TAFA2: variants seen among roughly 807,000 people sequenced by gnomAD.
The protein encoded by TAFA2 is chemokine-like protein TAFA-2.
In TAFA2, 7 loss-of-function variants were observed where a neutral mutation model predicts 18.8. That is an observed-to-expected ratio of 0.37 (90% CI 0.21 to 0.70). TAFA2 has a LOEUF of 0.70. Among genes scored for constraint, TAFA2 ranks in the 30% least tolerant of loss-of-function variants. TAFA2 has a pLI of 0.53. For missense variants in TAFA2, 122 were observed against 158.1 expected (o/e 0.77, Z 1.23); for synonymous variants, 60 against 54.2 (o/e 1.11, Z -0.47).
chr12:61,833,707 C>A (rs1394856530), intron 2 of TAFA2, among the ~76,000 whole-genome samples: 3 of 151,722 alleles, frequency 2.0e-5, no homozygotes, highest in African/African-American at 7.3e-5. Context: ...TGACTATAAT[C>A]CTCAGTAATT....
chr12:61,777,328 G>A (rs564853281), intron 2 of TAFA2, among the ~76,000 whole-genome samples: 11 of 151,910 alleles, frequency 7.2e-5, no homozygotes, highest in Admixed American at 2.0e-4. Flanking sequence ...CAGTATTATC[G>A]GGAGGATTAA....
intron 4 of TAFA2, among the ~76,000 whole-genome samples, chr12:61,744,847 A>G (rs1868626544): frequency 6.6e-6 from 1 of 152,034 alleles, no homozygotes; most frequent in African/African-American, 2.4e-5. Flanking sequence ...CACCTAGTCT[A>G]AAAATGTTAC....
At chr12:61,930,171 TAAA>T (rs1306640467) in intron 1 of TAFA2, among the ~76,000 whole-genome samples, 2 of 151,668 alleles carry the variant, frequency 1.3e-5, no homozygotes, top group Non-Finnish European at 2.9e-5. Flanking sequence ...AATAAATAAA[TAAA>T]AAGAAAACGG....
intron 1 of TAFA2, among the ~76,000 whole-genome samples, chr12:62,065,701 C>CTGTGTGTG (rs140275505): frequency 6.7e-6 from 1 of 150,266 alleles, no homozygotes; most frequent in African/African-American, 2.4e-5. Context: ...GATAAAAATT[C>CTGTGTGTG]TGTGTGTGTG....
At position 61,916,379 on chromosome 12, in the gene TAFA2, C is replaced by T. The variant is rs142196522; in HGVS notation, c.-1-48953G>A. 3.5e-3 allele frequency among the ~76,000 whole-genome samples: 537 copies of T among 152,224 alleles called. 4 individuals carry two copies. The highest frequency in any genetic ancestry group is 9.7e-3 in the African/African-American group (401 of 41,542). ...CAGAATGTTTCATTACACTCCTCGA[C>T]GGTTGATTGTGAGGATCAAATGTGA... On this transcript the variant is annotated intron_variant, in intron 1 of 4. Coordinates refer to ENST00000416284, the MANE Select transcript of TAFA2 (RefSeq NM_178539.5).
intron 1 of TAFA2, among the ~76,000 whole-genome samples, chr12:62,250,432 A>G (rs1279384680): frequency 6.6e-6 from 1 of 152,234 alleles, no homozygotes; most frequent in East Asian, 1.9e-4. Flanking sequence ...TTATGCATGT[A>G]TATGTATGAC....
intron 1 of TAFA2, among the ~76,000 whole-genome samples, chr12:62,123,391 A>G (rs933245708): frequency 1.3e-5 from 2 of 152,118 alleles, no homozygotes; most frequent in Admixed American, 6.6e-5. Context: ...AATAGACTGA[A>G]GAAGGGAATA....
chr12:61,832,299 C>A (rs2121095457), intron 2 of TAFA2, among the ~76,000 whole-genome samples: 1 of 152,186 alleles, frequency 6.6e-6, no homozygotes, highest in East Asian at 1.9e-4. Flanking sequence ...TCCCTCTGGA[C>A]ACTTTCTCTA....
intron 1 of TAFA2, among the ~76,000 whole-genome samples, chr12:62,020,911 G>A (rs1229272389): frequency 1.3e-5 from 2 of 152,224 alleles, no homozygotes; most frequent in South Asian, 2.1e-4. Flanking sequence ...TTCACGACAC[G>A]TTTATATAAA....
intron 4 of TAFA2, among the ~76,000 whole-genome samples, chr12:61,744,171 C>G (rs1294162613): frequency 6.6e-6 from 1 of 152,080 alleles, no homozygotes; most frequent in Non-Finnish European, 1.5e-5. Flanking sequence ...GTTCATAGAA[C>G]AGAAGCAGTC....
At chr12:62,035,651 G>A (rs1227009706) in intron 1 of TAFA2, among the ~76,000 whole-genome samples, 1 of 151,602 alleles carries the variant, frequency 6.6e-6, no homozygotes, top group Non-Finnish European at 1.5e-5. Flanking sequence ...AGATAAGGCT[G>A]GTGAAGCAGG....
intron 1 of TAFA2, among the ~76,000 whole-genome samples, chr12:61,890,582 G>A (rs1469805280): frequency 6.6e-6 from 1 of 152,236 alleles, no homozygotes; most frequent in Non-Finnish European, 1.5e-5. Context: ...ATACCAGAGG[G>A]AGGGAGGTCT....
intron 1 of TAFA2, among the ~76,000 whole-genome samples, chr12:62,038,166 T>C (rs1881659829): frequency 6.6e-6 from 1 of 152,102 alleles, no homozygotes; most frequent in Admixed American, 6.6e-5. Context: ...TAACAAGTCT[T>C]GAGATTTGAT....
At chr12:61,876,459 G>A (rs1384821116) in intron 1 of TAFA2, among the ~76,000 whole-genome samples, 1 of 152,142 alleles carries the variant, frequency 6.6e-6, no homozygotes. Flanking sequence ...TAACCATCCA[G>A]TATGGTCAAT....
intron 1 of TAFA2, among the ~76,000 whole-genome samples, chr12:62,102,768 G>A (rs1357275633): frequency 2.0e-5 from 3 of 152,136 alleles, no homozygotes; most frequent in Admixed American, 1.3e-4. Flanking sequence ...ATACTAAGAT[G>A]TATTACGGTA....
intron 1 of TAFA2, among the ~76,000 whole-genome samples, chr12:61,917,096 G>T (rs1185252951): frequency 6.6e-6 from 1 of 152,166 alleles, no homozygotes; most frequent in African/African-American, 2.4e-5. Flanking sequence ...GGATAGGAGA[G>T]GGAAATGAAG....
intron 1 of TAFA2, among the ~76,000 whole-genome samples, chr12:62,117,420 A>T (rs76681502): frequency 0.018 from 2,677 of 152,230 alleles, 75 homozygotes; most frequent in African/African-American, 0.059. Flanking sequence ...AAAGTGGTGC[A>T]TTTTAGGAAC....
chr12:61,869,094 G>A (rs543580940), intron 1 of TAFA2, among the ~76,000 whole-genome samples: 4 of 152,244 alleles, frequency 2.6e-5, no homozygotes, highest in Admixed American at 1.3e-4. Flanking sequence ...TTGTCCATTC[G>A]TGAGATGATT....
chr12:61,874,799 C>A (rs1470210016), intron 1 of TAFA2, among the ~76,000 whole-genome samples: 2 of 152,086 alleles, frequency 1.3e-5, no homozygotes, highest in East Asian at 3.9e-4. Flanking sequence ...AGAAAGACAC[C>A]TGAAATGATC....
Sources: allele counts gnomAD v4.1 joint callset (sites outside exome capture counted in the v4.1 genomes callset), GRCh38; gene constraint gnomAD v4.1.1; transcripts MANE v1.5; gene names NCBI Gene and HGNC (gene_info 2026-07-23, HGNC 2026-07-21).